The following PATL1 variants were observed in gnomAD, a reference collection of about 807,000 sequenced individuals.
PATL1 encodes PAT1 homolog 1, processing body mRNA decay factor, also known as protein PAT1 homolog 1.
Under a neutral mutation model 100.6 loss-of-function variants are expected in PATL1, and 32 were observed. That is an observed-to-expected ratio of 0.32 (90% CI 0.24 to 0.43). The LOEUF is 0.43. Among genes scored for constraint, PATL1 ranks in the 20% least tolerant of loss-of-function variants. The pLI is 1.00. For missense variants in PATL1, 747 were observed against 949.9 expected, an observed-to-expected ratio of 0.79 and a Z score of 2.81; for synonymous variants, 332 against 330.0, an observed-to-expected ratio of 1.01 and a Z score of -0.07.
chr11:59,668,911 C>T lies in PATL1; in HGVS notation c.-16G>A. The T allele has an allele frequency of 1.6e-6, 1 of 632,752 alleles. No individual in the cohort carries two copies. Among genetic ancestry groups the T allele is most frequent in the Non-Finnish European group, 2.4e-6 (1 of 416,644 alleles). The allele number at this position is 632,752 out of a possible 1,614,324, so 39.2% of individuals were successfully genotyped here. ...AGCGGAACATTCTTGGGGAGGGGGGCAGGGAGCGGGGAGGGGAGAGGGGGA... is the reference window on the plus strand; with the variant it reads ...AGCGGAACATTCTTGGGGAGGGGGGTAGGGAGCGGGGAGGGGAGAGGGGGA... On this transcript the variant is annotated 5_prime_UTR_variant, in exon 1 of 19. Transcript: ENST00000300146.
chr11:59,655,536 G>A lies in PATL1; in HGVS notation c.1018C>T (p.Leu340=), dbSNP rs1861515679. Reference sequence around the variant, plus strand: ...GATTTTGTATACCTTAGGTTTTGCAGGTGGGGTCCTGGGCCAGGAGGGTGC... The same window carrying A: ...GATTTTGTATACCTTAGGTTTTGCAAGTGGGGTCCTGGGCCAGGAGGGTGC... The part of the protein sequence containing the change: ...QQHPPGPGPH[L]QNLRSQAPMF... Residue 340 remains leucine (L), a synonymous_variant, in exon 8 of 19, where the codon CTG becomes TTG. Transcript: ENST00000300146. 2 of 1,576,512 alleles carry A rather than the reference G, an allele frequency of 1.3e-6. No individual in the cohort carries two copies. Among genetic ancestry groups the A allele is most frequent in the East Asian group, 4.6e-5 (2 of 43,396 alleles).
chr11:59,655,119 C>T (rs1861508245), intron 8 of PATL1, among the ~76,000 whole-genome samples: 1 of 152,194 alleles, frequency 6.6e-6, no homozygotes, highest in African/African-American at 2.4e-5. Flanking sequence ...AAAACCTGCT[C>T]ACATGAACAT....
intron 4 of PATL1, among the ~76,000 whole-genome samples, chr11:59,658,050 G>A (rs890629893): frequency 1.3e-5 from 2 of 151,858 alleles, no homozygotes; most frequent in Non-Finnish European, 2.9e-5. Context: ...TGTAGTCTCA[G>A]CTACTCAAGA....
At chr11:59,643,475 C>T (rs189873543) in intron 15 of PATL1, among the ~76,000 whole-genome samples, 2 of 151,626 alleles carry the variant, frequency 1.3e-5, no homozygotes, top group Non-Finnish European at 2.9e-5. Context: ...AGGTTAAAGG[C>T]CAAGCAGAAG....
At chr11:59,649,925 C>T (rs1370545727) in intron 13 of PATL1, among the ~76,000 whole-genome samples, 1 of 151,950 alleles carries the variant, frequency 6.6e-6, no homozygotes, top group Non-Finnish European at 1.5e-5. Flanking sequence ...AGTCCAAGAC[C>T]AGCCTGAACA....
At position 59,655,523 on chromosome 11, in the gene PATL1, C is replaced by T. The variant is rs1169730370; in HGVS notation, c.1031G>A (p.Arg344Lys). 1.9e-6 allele frequency: 3 copies of T among 1,565,040 alleles called. No individual in the cohort carries two copies. Among genetic ancestry groups the T allele is most frequent in the South Asian group, 1.2e-5 (1 of 85,138 alleles). Residue 344 changes from arginine (R) to lysine (K), a missense_variant and splice_region_variant, in exon 8 of 19, where the codon AGA (arginine) becomes AAA (lysine). By Grantham distance (26) the Arg-to-Lys change is conservative. Around this residue, in one of 4 missense-constraint regions of PATL1, gnomAD observed 434 missense variants for 596.1 expected, o/e 0.73. Coordinates refer to ENST00000300146, the MANE Select transcript of PATL1 (RefSeq NM_152716.3). ...PGPGPHLQNL[R>K]SQAPMFRPDT... ...AAACAGTGGCGTTGATTTTGTATAC[C>T]TTAGGTTTTGCAGGTGGGGTCCTGG...
intron 10 of PATL1, 109 bp downstream of exon 10, chr11:59,652,729 C>A: frequency 1.3e-6 from 2 of 1,497,184 alleles, no homozygotes; most frequent in Non-Finnish European, 1.8e-6. Context: ...ATGCTAAGTA[C>A]CTCAAAAGAA....
chr11:59,646,428 C>T (rs947702210), intron 15 of PATL1, among the ~76,000 whole-genome samples: 2 of 152,096 alleles, frequency 1.3e-5, no homozygotes, highest in African/African-American at 4.8e-5. Context: ...TCAAGCGATC[C>T]ACTTGCCTCA....
At position 59,652,335 on chromosome 11, in the gene PATL1, A is replaced by T. The variant is rs182789349; in HGVS notation, c.1426+129T>A. 9 of 1,332,080 alleles carry T rather than the reference A, an allele frequency of 6.8e-6. No individual in the cohort carries two copies. In the African/African-American group the frequency reaches 1.0e-4, roughly 15 times the overall value. 82.5% of individuals were successfully genotyped at this position (1,332,080 alleles called of 1,614,324 possible). ...CTGATTTTTGCATTTATTAAGAACA[A>T]TGGTACTTTTAAAATCACTTTGAAA... On this transcript the variant is annotated intron_variant, in intron 11 of 18. Transcript: ENST00000300146.
At chr11:59,652,271 G>C (rs1861458552) in intron 11 of PATL1, among the ~76,000 whole-genome samples, 193 bp downstream of exon 11, 1 of 151,800 alleles carries the variant, frequency 6.6e-6, no homozygotes, top group African/African-American at 2.4e-5. Flanking sequence ...GACCTAAAAA[G>C]GCACATGTCA....
At chr11:59,641,901 C>CACTG (rs1273855937) in intron 16 of PATL1, among the ~76,000 whole-genome samples, 1 of 152,208 alleles carries the variant, frequency 6.6e-6, no homozygotes, top group Non-Finnish European at 1.5e-5. Flanking sequence ...TCCTCTGATA[C>CACTG]ACTGACCTTT....
rs541710876 is a variant in PATL1 at position 59,649,141 on chromosome 11, A to G, written c.1733+321T>C. On this transcript the variant is annotated intron_variant, in intron 14 of 18. Transcript: ENST00000300146. Reference sequence around the variant, plus strand: ...AGATTACAAGGTTAAACATGCTAGTAATCATAAATCAGGTGCAATCTGTAA... The same window carrying G: ...AGATTACAAGGTTAAACATGCTAGTGATCATAAATCAGGTGCAATCTGTAA... 1.6e-4 allele frequency among the ~76,000 whole-genome samples: 24 copies of G among 152,346 alleles called. No homozygotes were observed. In the South Asian group the frequency reaches 3.7e-3, roughly 24 times the overall value.
chr11:59,657,813 AT>A (rs34703318), intron 4 of PATL1, 89 bp from the exon 5 acceptor site: 5 of 993,056 alleles, frequency 5.0e-6, no homozygotes, highest in Admixed American at 3.5e-5. Flanking sequence ...ACCTTAAGAA[AT>A]TTTTTTAACT....
chr11:59,667,927 G>C (rs1861713230), intron 1 of PATL1, among the ~76,000 whole-genome samples: 1 of 152,144 alleles, frequency 6.6e-6, no homozygotes, highest in Non-Finnish European at 1.5e-5. Flanking sequence ...TATTCTATCA[G>C]TAGGTACGTT....
chr11:59,657,834 T>G, intron 4 of PATL1, 110 bp from the exon 5 acceptor site: 1 of 873,554 alleles, frequency 1.1e-6, no homozygotes, highest in Non-Finnish European at 1.6e-6. Flanking sequence ...TTTTTATTTA[T>G]TTTTAATTCA....
At chr11:59,639,660 A>G (rs1303664014) in intron 16 of PATL1, 2 of 272,010 alleles carry the variant, frequency 7.4e-6, no homozygotes, top group Non-Finnish European at 1.4e-5. Context: ...TGCTGAGGTT[A>G]AAAGATGGTT....
At chr11:59,638,665 C>T (rs1861227578) in intron 18 of PATL1, among the ~76,000 whole-genome samples, 1 of 151,712 alleles carries the variant, frequency 6.6e-6, no homozygotes, top group Non-Finnish European at 1.5e-5. Context: ...CCCCCCTCCA[C>T]CCCAATCATA....
rs1024037738 is a variant in PATL1, at chr11:59,657,669, C to A, written c.482G>T (p.Gly161Val). 3 of 1,613,738 alleles carry A rather than the reference C, an allele frequency of 1.9e-6. No homozygotes were observed. The highest frequency in any genetic ancestry group is 2.5e-6 in the Non-Finnish European group (3 of 1,179,788). The change falls in exon 5 of 19, where the codon GGT becomes GTT. Residue 161 changes from glycine to valine, a missense_variant. By Grantham distance (109) the Gly-to-Val change is moderately radical (BLOSUM62 -3). Transcript: ENST00000300146. ...AGAAAGGTCCCGATCATCTTCTGGACCCTGGGGGGGCCTCTGAGGCAAAGC... is the reference window on the plus strand; with the variant it reads ...AGAAAGGTCCCGATCATCTTCTGGAACCTGGGGGGGCCTCTGAGGCAAAGC... ...EYALPQRPPQ[G>V]PEDDRDLSER...
chr11:59,649,282 C>A (rs1251925519), intron 14 of PATL1, among the ~76,000 whole-genome samples, 180 bp downstream of exon 14: 1 of 151,448 alleles, frequency 6.6e-6, no homozygotes, highest in African/African-American at 2.4e-5. Context: ...TTTTTCTTTC[C>A]TCACTGGAAA....
Sources: gnomAD v4.1 joint callset for allele counts (sites outside exome capture counted in the v4.1 genomes callset) on GRCh38, gnomAD v4.1.1 for gene constraint, gnomAD v4.1.1 regional missense constraint, MANE v1.5 for transcripts, NCBI Gene and HGNC (gene_info 2026-07-23, HGNC 2026-07-21) for gene names.